Variants in MX2 observed in about 807,000 individuals in gnomAD.
The protein encoded by MX2 is MX dynamin like GTPase 2, also known as interferon-induced GTP-binding protein Mx2.
MX2 carries 51 observed loss-of-function variants against 74.0 expected under a neutral mutation model. The ratio of observed to expected loss-of-function variants is 0.69; its 90% CI spans 0.55 to 0.87. MX2 has a LOEUF of 0.87. Ranked by LOEUF, MX2 falls within the 40% of genes least tolerant of loss-of-function variation. The pLI, the probability that MX2 is intolerant of heterozygous loss-of-function variation, is 0.00. For missense variants in MX2, 832 were observed against 908.7 expected (o/e 0.92, Z 1.09); for synonymous variants, 369 against 339.3 (o/e 1.09, Z -0.96).
chr21:41,383,179 T>G (rs941241826), intron 5 of MX2, among the ~76,000 whole-genome samples: 8 of 152,134 alleles, frequency 5.3e-5, no homozygotes, highest in African/African-American at 1.9e-4. Context: ...GGCAACATAG[T>G]GAGACCCTGT....
At chr21:41,405,704 T>G (rs2089876873) in intron 12 of MX2, among the ~76,000 whole-genome samples, 1 of 140,290 alleles carries the variant, frequency 7.1e-6, no homozygotes, top group Non-Finnish European at 1.5e-5. Context: ...TTCTTTCCTT[T>G]TTTTTTTTTT....
In MX2 at chr21:41,396,674, ACAC is replaced by A. The variant is rs761509049; in HGVS notation, c.1070+894_1070+896del. Among the ~76,000 whole-genome samples, 68 of 152,252 alleles carry A rather than the reference ACAC, an allele frequency of 4.5e-4. 1 individual carries two copies. Among genetic ancestry groups the A allele is most frequent in the African/African-American group, 1.3e-3 (53 of 41,534 alleles). ...AGCGCCAACAGCCAGCACTCAGTAA[ACAC>A]CACCCGGTTCCTTCTTTCTTCCTCT... On this transcript the variant is annotated intron_variant, in intron 7 of 13. Transcript: ENST00000330714.
intron 6 of MX2, among the ~76,000 whole-genome samples, chr21:41,394,539 T>C (rs77794120): frequency 0.024 from 3,691 of 152,312 alleles, 146 homozygotes; most frequent in African/African-American, 0.082. Flanking sequence ...TCAATATCCA[T>C]TCTTCTTTAT....
chr21:41,377,162 C>T lies in MX2; in HGVS notation c.249+7C>T. On this transcript the variant is annotated splice_region_variant and intron_variant, in intron 2 of 13. Coordinates refer to ENST00000330714, the MANE Select transcript of MX2 (RefSeq NM_002463.2). Reference sequence around the variant, plus strand: ...GAGCCAACCAAGGGCAATGGTAAGCCCGGTGGAGGGACGTTCAGAAAGGGT... The same window carrying T: ...GAGCCAACCAAGGGCAATGGTAAGCTCGGTGGAGGGACGTTCAGAAAGGGT... 6.2e-7 allele frequency: 1 copy of T among 1,613,558 alleles called. No individual in the cohort carries two copies. The highest frequency in any genetic ancestry group is 8.5e-7 in the Non-Finnish European group (1 of 1,179,606).
chr21:41,376,538 A>G (rs887213493), intron 1 of MX2, among the ~76,000 whole-genome samples: 2 of 150,392 alleles, frequency 1.3e-5, no homozygotes, highest in Non-Finnish European at 3.0e-5. Context: ...ACAGAGTGAG[A>G]CCCTGTCTCA....
chr21:41,386,139 G>A (rs932926351), intron 5 of MX2, among the ~76,000 whole-genome samples: 11 of 135,806 alleles, frequency 8.1e-5, no homozygotes, highest in South Asian at 7.2e-4. Context: ...AGAATCACTC[G>A]AACCCGGGAG....
intron 12 of MX2, among the ~76,000 whole-genome samples, chr21:41,405,314 T>C (rs1476802147): frequency 6.6e-6 from 1 of 151,664 alleles, no homozygotes; most frequent in African/African-American, 2.4e-5. Context: ...ACAGTCTTAG[T>C]TCAAGCTTCT....
At chr21:41,379,000 C>A (rs1390668544) in intron 3 of MX2, among the ~76,000 whole-genome samples, 1 of 152,214 alleles carries the variant, frequency 6.6e-6, no homozygotes, top group East Asian at 1.9e-4. Context: ...TGGAGGGCTG[C>A]CCGGACCCTG....
rs2089611763 is a variant in MX2, at chr21:41,388,463, AGGCTGCCCTACCTG to A, written c.733-2094_733-2081del. Among the ~76,000 whole-genome samples the A allele has an allele frequency of 6.6e-6, 1 of 152,158 alleles. No homozygotes were observed. The highest frequency in any genetic ancestry group is 6.5e-5 in the Admixed American group (1 of 15,280). ...TCATTCCTCGCGGGTTTCTGCTGCA[AGGCTGCCCTACCTG>A]GGCTGCCTTGCCTGACATACTGTTC... On this transcript the variant is annotated intron_variant, in intron 5 of 13. Transcript: ENST00000330714. This position sits in a 1 kb window ranked among gnomAD's most constrained non-coding sequence, Gnocchi z 4.0.
intron 3 of MX2, 69 bp from the exon 4 acceptor site, chr21:41,379,948 T>C: frequency 4.4e-6 from 7 of 1,584,034 alleles, no homozygotes; most frequent in Non-Finnish European, 4.3e-6. Flanking sequence ...GGGCAGGTTC[T>C]GGGAGCGAAG....
intron 3 of MX2, among the ~76,000 whole-genome samples, chr21:41,379,391 A>G (rs2089457726): frequency 6.6e-6 from 1 of 152,100 alleles, no homozygotes; most frequent in African/African-American, 2.4e-5. Flanking sequence ...CACCGCTCCC[A>G]CCTTTCCTGG....
rs2089726139 is a variant in MX2 at position 41,395,755 on chromosome 21, T to C, written c.1040T>C (p.Ile347Thr). ...LSLAEATKKE[I>T]TFFQTHPYFR... ...TTGGCAGAGGCAACCAAGAAAGAAA[T>C]TACATTCTTTCAAACACATCCATAT... is the stretch of plus-strand genomic sequence containing the variant. Residue 347 changes from isoleucine (I) to threonine (T), a missense_variant, in exon 7 of 14, where the codon ATT (isoleucine) becomes ACT (threonine). Coordinates refer to ENST00000330714, the MANE Select transcript of MX2 (RefSeq NM_002463.2). 6.2e-7 allele frequency: 1 copy of C among 1,614,048 alleles called. No homozygotes were observed. The highest frequency in any genetic ancestry group is 8.5e-7 in the Non-Finnish European group (1 of 1,180,008).
In MX2 at chr21:41,380,432, G is replaced by A. The variant is rs8133513; in HGVS notation, c.577+281G>A. On this transcript the variant is annotated intron_variant, in intron 4 of 13. Transcript: ENST00000330714. The surrounding 1 kb of genome is among the most constrained non-coding windows in gnomAD (Gnocchi z 4.3). ...CCTTACCTGTCCTCTCCCGCTCCCC[G>A]CCAGCCCAGGCTTTCTCTACTCCAC... is the stretch of plus-strand genomic sequence containing the variant. 0.03 allele frequency among the ~76,000 whole-genome samples: 4,604 copies of A among 152,138 alleles called. 265 individuals are homozygous for A. Among genetic ancestry groups the A allele is most frequent in the African/African-American group, 0.1 (4,325 of 41,482 alleles).
At chr21:41,393,070 C>T (rs1391209964) in intron 6 of MX2, among the ~76,000 whole-genome samples, 1 of 134,652 alleles carries the variant, frequency 7.4e-6, no homozygotes, top group Non-Finnish European at 1.5e-5. Context: ...CACCACTGCA[C>T]TCCAGCCTGG....
At position 41,376,959 on chromosome 21, in the gene MX2, C is replaced by G; in HGVS notation, c.53C>G (p.Ser18Cys). 1 of 1,614,076 alleles carries G rather than the reference C, an allele frequency of 6.2e-7. No homozygotes were observed. The highest frequency in any genetic ancestry group is 8.5e-7 in the Non-Finnish European group (1 of 1,180,038). ...TACCGGAGGAGAAGTCAATTTTCTT[C>G]TCGAAAATACCTGAAAAAAGAAATG... is the stretch of plus-strand genomic sequence containing the variant. ...WPYRRRSQFS[S>C]RKYLKKEMNS... is the part of the protein sequence containing the mutation. The change falls in exon 2 of 14, where the codon TCT becomes TGT. Residue 18 changes from serine to cysteine, a missense_variant. By Grantham distance (112) the Ser-to-Cys change is moderately radical. Coordinates refer to ENST00000330714, the MANE Select transcript of MX2 (RefSeq NM_002463.2).
chr21:41,365,667 G>C (rs1405947666), intron 1 of MX2: 1 of 152,112 alleles, frequency 6.6e-6, no homozygotes. Flanking sequence ...CTTTGCTATT[G>C]TAACGGTGCT....
chr21:41,362,762 T>TCTTTTTTTTTTTTC lies in MX2; in HGVS notation c.-72+707_-72+708insCTTTTTTTTTTTTC, dbSNP rs367623128. Among the ~76,000 whole-genome samples the TCTTTTTTTTTTTTC allele has an allele frequency of 2.8e-3, 353 of 125,200 alleles. 3 individuals are homozygous for TCTTTTTTTTTTTTC. Among genetic ancestry groups the TCTTTTTTTTTTTTC allele is most frequent in the Non-Finnish European group, 4.5e-3 (276 of 61,418 alleles). The allele number at this position is 125,200 out of a possible 152,430, so 82.1% of individuals were successfully genotyped here. A position where few individuals can be genotyped will look rare whatever the true frequency, so the allele number is the denominator to read the frequency against. The stretch of plus-strand genomic sequence containing the variant: ...GCAGTTTTTTTTTCTTTTTTTTTTT[T>TCTTTTTTTTTTTTC]TTTTTTTTTTTTTTGAGAGAAGTTC... On this transcript the variant is annotated intron_variant, in intron 1 of 13. Transcript: ENST00000330714.
rs985428581 is a variant in MX2, at chr21:41,402,964, C to T, written c.1574-303C>T. The T allele has an allele frequency of 6.0e-6, 2 of 333,920 alleles. No individual in the cohort carries two copies. Among genetic ancestry groups the T allele is most frequent in the Non-Finnish European group, 1.2e-5 (2 of 172,536 alleles). 20.7% of individuals were successfully genotyped at this position (333,920 alleles called of 1,614,324 possible). On this transcript the variant is annotated intron_variant, in intron 11 of 13. Coordinates refer to ENST00000330714, the MANE Select transcript of MX2 (RefSeq NM_002463.2). This position sits in a 1 kb window ranked among gnomAD's most constrained non-coding sequence, Gnocchi z 4.5. ...CTCACTGCACACCTCCTGCCGGACACGGACTGGAACTGGTCCAGCCTGGGA... is the reference window on the plus strand; with the variant it reads ...CTCACTGCACACCTCCTGCCGGACATGGACTGGAACTGGTCCAGCCTGGGA...
At chr21:41,378,020 C>A in intron 3 of MX2, 39 bp downstream of exon 3, 1 of 1,589,938 alleles carries the variant, frequency 6.3e-7, no homozygotes, top group East Asian at 2.3e-5. Context: ...CAGCAAGCAG[C>A]GCCACCTGTA....
Sources: gnomAD v4.1 joint callset for allele counts (sites outside exome capture counted in the v4.1 genomes callset) on GRCh38, gnomAD v4.1.1 for gene constraint, Gnocchi (gnomAD v3.1) non-coding constraint, MANE v1.5 for transcripts, NCBI Gene and HGNC (gene_info 2026-07-23, HGNC 2026-07-21) for gene names.